Variants in FOXN3 observed in about 807,000 individuals in gnomAD.
FOXN3 encodes the protein forkhead box protein N3.
Under a neutral mutation model 38.4 loss-of-function variants are expected in FOXN3, and 7 were observed. The observed-to-expected ratio is 0.18, with a 90% CI of 0.10 to 0.34. FOXN3 has a LOEUF of 0.34. FOXN3 is among the 10% of genes least tolerant of loss of function. The pLI, the probability that FOXN3 is intolerant of heterozygous loss-of-function variation, is 1.00. For synonymous variants in FOXN3, 230 were observed against 242.2 expected (o/e 0.95, Z 0.47); for missense variants, 456 against 613.4 (o/e 0.74, Z 2.71).
chr14:89,550,519 C>T (rs1367170186), intron 1 of FOXN3, among the ~76,000 whole-genome samples: 2 of 152,178 alleles, frequency 1.3e-5, no homozygotes, highest in Non-Finnish European at 2.9e-5. Flanking sequence ...GAGAAACCAA[C>T]AGACTCTGCA....
At chr14:89,487,437 T>C (rs1197204666) in intron 1 of FOXN3, among the ~76,000 whole-genome samples, 1 of 152,150 alleles carries the variant, frequency 6.6e-6, no homozygotes, top group Non-Finnish European at 1.5e-5. Flanking sequence ...TGACAGTTTG[T>C]TGGAAATGCA....
chr14:89,480,820 T>C (rs992354095), intron 1 of FOXN3, among the ~76,000 whole-genome samples: 1 of 152,228 alleles, frequency 6.6e-6, no homozygotes, highest in African/African-American at 2.4e-5. Flanking sequence ...AATTTTTCTT[T>C]CATAATGGAA....
chr14:89,325,261 AC>A (rs1183029223), intron 3 of FOXN3, among the ~76,000 whole-genome samples: 2 of 147,440 alleles, frequency 1.4e-5, no homozygotes, highest in Non-Finnish European at 3.0e-5. Context: ...CACCACCACC[AC>A]CACCATCACC....
chr14:89,507,762 G>A (rs1405496661), intron 1 of FOXN3, among the ~76,000 whole-genome samples: 1 of 151,700 alleles, frequency 6.6e-6, no homozygotes, highest in African/African-American at 2.4e-5. Flanking sequence ...AACAGAAGGA[G>A]GGAGACAATT....
chr14:89,415,019 G>A (rs1000602956), intron 1 of FOXN3, among the ~76,000 whole-genome samples: 16 of 152,188 alleles, frequency 1.1e-4, no homozygotes, highest in Non-Finnish European at 2.4e-4. Context: ...CTTTTGGCTT[G>A]GGGATACAAC....
At chr14:89,492,031 G>A (rs758181089) in intron 1 of FOXN3, among the ~76,000 whole-genome samples, 5 of 152,218 alleles carry the variant, frequency 3.3e-5, no homozygotes, top group East Asian at 1.9e-4. Flanking sequence ...ATACACAAAC[G>A]TCCTGACTGT....
rs199932512 is a variant in FOXN3, at chr14:89,377,731, T to G, written c.544-26923A>C. ...GCCCTCTACCCATCTCCACAGGTGTTACAAAATGAACTGCACAACTCGTAT... is the reference window on the plus strand; with the variant it reads ...GCCCTCTACCCATCTCCACAGGTGTGACAAAATGAACTGCACAACTCGTAT... On this transcript the variant is annotated intron_variant, in intron 2 of 5. Transcript: ENST00000557258. Among the ~76,000 whole-genome samples the G allele has an allele frequency of 9.8e-5, 15 of 152,324 alleles. No individual in the cohort carries two copies. In the East Asian group the frequency reaches 2.9e-3, roughly 29 times the overall value.
At chr14:89,467,816 T>TTG (rs1555355574) in intron 1 of FOXN3, among the ~76,000 whole-genome samples, 3 of 130,748 alleles carry the variant, frequency 2.3e-5, no homozygotes, top group East Asian at 4.4e-4. Context: ...TTTTTTTTTT[T>TTG]TTTTTTTTTT....
At chr14:89,576,142 T>C (rs963027813) in intron 1 of FOXN3, 1 of 152,202 alleles carries the variant, frequency 6.6e-6, no homozygotes, top group Non-Finnish European at 1.5e-5. Flanking sequence ...ATGTTAGAAA[T>C]ATCAAAACAG....
intron 1 of FOXN3, among the ~76,000 whole-genome samples, chr14:89,569,812 C>T (rs1895453210): frequency 6.6e-6 from 1 of 152,082 alleles, no homozygotes; most frequent in East Asian, 1.9e-4. Context: ...TGATGGGGAG[C>T]CATCAGGTGT....
At chr14:89,299,243 G>C (rs183654568) in intron 3 of FOXN3, among the ~76,000 whole-genome samples, 24 of 152,268 alleles carry the variant, frequency 1.6e-4, no homozygotes, top group African/African-American at 5.8e-4. Context: ...TCATGGGGGC[G>C]GTTTCCCCCA....
At position 89,358,421 on chromosome 14, in the gene FOXN3, G is replaced by A. The variant is rs564655875; in HGVS notation, c.544-7613C>T. ...GGCCTAAGTCAAGTGCTCCAAGGTC[G>A]AAAAGGAAGACCCCCATTGGGGGAT... is the stretch of plus-strand genomic sequence containing the variant. On this transcript the variant is annotated intron_variant, in intron 2 of 5. Transcript: ENST00000557258. Among the ~76,000 whole-genome samples, 214 of 152,234 alleles carry A rather than the reference G, an allele frequency of 1.4e-3. 2 individuals carry two copies. Among genetic ancestry groups the A allele is most frequent in the Non-Finnish European group, 2.3e-3 (154 of 68,010 alleles).
In FOXN3 at chr14:89,256,707, A is replaced by G. The variant is rs1407387963; in HGVS notation, c.745+24243T>C. The stretch of plus-strand genomic sequence containing the variant: ...AATCCGTGAGAGTTTAAGGATGTGC[A>G]TTATTGAGTTTGGCATCCATTGGCC... On this transcript the variant is annotated intron_variant, in intron 4 of 5. Coordinates refer to ENST00000557258, the MANE Select transcript of FOXN3 (RefSeq NM_005197.4). Among the ~76,000 whole-genome samples, 9 of 152,286 alleles carry G rather than the reference A, an allele frequency of 5.9e-5. No individual in the cohort carries two copies. In the East Asian group the frequency reaches 1.7e-3, roughly 29 times the overall value.
chr14:89,535,006 AT>A (rs551012408), intron 1 of FOXN3, among the ~76,000 whole-genome samples: 3 of 152,170 alleles, frequency 2.0e-5, no homozygotes, highest in South Asian at 2.1e-4. Context: ...TTAATGAAGA[AT>A]TTTTTTTCTC....
intron 4 of FOXN3, among the ~76,000 whole-genome samples, chr14:89,229,887 G>C (rs979923048): frequency 6.6e-5 from 10 of 152,220 alleles, no homozygotes; most frequent in Non-Finnish European, 1.5e-4. Context: ...TACAGGCAGA[G>C]GAGAACAGCT....
In FOXN3 at chr14:89,194,506, AG is replaced by A. The variant is rs1221693650; in HGVS notation, c.746-13701del. On this transcript the variant is annotated intron_variant, in intron 4 of 5. Transcript: ENST00000557258. ...TGAGTCTGACATCCTTCTATGGAAA[AG>A]TGTCCTGGACTCTCTGCTAGAACGT... Among the ~76,000 whole-genome samples, 3 of 152,100 alleles carry A rather than the reference AG, an allele frequency of 2.0e-5. No individual in the cohort carries two copies. In the East Asian group the frequency reaches 5.8e-4, roughly 29 times the overall value.
chr14:89,566,256 C>T (rs1006756494), intron 1 of FOXN3, among the ~76,000 whole-genome samples: 2 of 152,138 alleles, frequency 1.3e-5, no homozygotes, highest in African/African-American at 2.4e-5. Context: ...GTCACTGACT[C>T]TTTTAAGAAC....
chr14:89,401,441 CA>C, intron 2 of FOXN3: 1 of 375,698 alleles, frequency 2.7e-6, no homozygotes, highest in Admixed American at 3.3e-5. Context: ...GCAACAACAA[CA>C]ACAGTAGGTA....
chr14:89,188,865 CAT>C (rs1887874900), intron 4 of FOXN3, among the ~76,000 whole-genome samples: 1 of 152,000 alleles, frequency 6.6e-6, no homozygotes, highest in Non-Finnish European at 1.5e-5. Context: ...AATTTAAAAA[CAT>C]ATACATTTCT....
Sources: gnomAD v4.1 joint callset for allele counts (sites outside exome capture counted in the v4.1 genomes callset) on GRCh38, gnomAD v4.1.1 for gene constraint, MANE v1.5 for transcripts, NCBI Gene and HGNC (gene_info 2026-07-23, HGNC 2026-07-21) for gene names.